The following DHCR24 variants were observed in gnomAD, a reference collection of about 807,000 sequenced individuals.
The protein encoded by DHCR24 is 24-dehydrocholesterol reductase.
DHCR24 carries 28 observed loss-of-function variants against 61.2 expected under a neutral mutation model. That is an observed-to-expected ratio of 0.46 (90% CI 0.34 to 0.63). DHCR24 has a LOEUF of 0.63. Ranked by LOEUF, DHCR24 falls within the 20% of genes least tolerant of loss-of-function variation. The pLI, the probability that DHCR24 is intolerant of heterozygous loss-of-function variation, is 0.01. For synonymous variants in DHCR24, 261 were observed against 275.9 expected (o/e 0.95, Z 0.54); for missense variants, 538 against 679.1 (o/e 0.79, Z 2.31).
chr1:54,885,583 A>G (rs1647088470), intron 1 of DHCR24, among the ~76,000 whole-genome samples: 1 of 152,228 alleles, frequency 6.6e-6, no homozygotes, highest in Admixed American at 6.5e-5. Flanking sequence ...GATAGGCACA[A>G]GATCTACCAG....
At position 54,852,151 on chromosome 1, in the gene DHCR24, G is replaced by T; in HGVS notation, c.*82C>A. On this transcript the variant is annotated 3_prime_UTR_variant, in exon 9 of 9. Transcript: ENST00000371269. ...GGAGGGGTTTCTCTTTGAAAGTGTG[G>T]ATCTAGGAAAGCAGCCAAGCTTGAG... 1.9e-6 allele frequency: 3 copies of T among 1,565,122 alleles called. No individual in the cohort carries two copies. The highest frequency in any genetic ancestry group is 2.6e-6 in the Non-Finnish European group (3 of 1,143,230).
intron 1 of DHCR24, among the ~76,000 whole-genome samples, chr1:54,885,149 A>G (rs565416541): frequency 6.6e-6 from 1 of 152,318 alleles, no homozygotes; most frequent in East Asian, 1.9e-4. Context: ...ACAGCTCAAC[A>G]CGGGGAAGGA....
chr1:54,853,328 G>T, intron 8 of DHCR24, 106 bp downstream of exon 8: 1 of 1,449,020 alleles, frequency 6.9e-7, no homozygotes, highest in Non-Finnish European at 9.5e-7. Context: ...GGAACCAGTT[G>T]ATAGGCTTGG....
intron 1 of DHCR24, 178 bp downstream of exon 1, chr1:54,886,711 T>G: frequency 4.2e-6 from 6 of 1,432,332 alleles, no homozygotes; most frequent in Admixed American, 4.2e-5. Context: ...GCCTGTTCTG[T>G]TCCCCCGCCC....
chr1:54,866,815 A>C (rs1282357120), intron 5 of DHCR24, among the ~76,000 whole-genome samples: 1 of 151,872 alleles, frequency 6.6e-6, no homozygotes, highest in Non-Finnish European at 1.5e-5. Flanking sequence ...ACTGGGGCTA[A>C]AGAGCCTCTT....
chr1:54,884,191 T>G (rs1647080145), intron 1 of DHCR24, among the ~76,000 whole-genome samples: 1 of 152,210 alleles, frequency 6.6e-6, no homozygotes, highest in African/African-American at 2.4e-5. Flanking sequence ...ATGACACCCT[T>G]TTTTCGAGGA....
chr1:54,874,560 T>A (rs956072113), intron 4 of DHCR24, among the ~76,000 whole-genome samples: 1 of 152,244 alleles, frequency 6.6e-6, no homozygotes, highest in Non-Finnish European at 1.5e-5. Context: ...TTATGATGTT[T>A]GCACAATGAC....
chr1:54,885,814 T>A (rs1647090883), intron 1 of DHCR24, among the ~76,000 whole-genome samples: 1 of 151,996 alleles, frequency 6.6e-6, no homozygotes, highest in African/African-American at 2.4e-5. Flanking sequence ...AGCAGGTAAA[T>A]GGAGAATTTG....
Position 54,871,529 on chromosome 1 carries a change from G to T in DHCR24, c.697C>A (p.Pro233Thr). The T allele has an allele frequency of 6.2e-7, 1 of 1,614,206 alleles. No individual in the cohort carries two copies. Among genetic ancestry groups the T allele is most frequent in the Non-Finnish European group, 8.5e-7 (1 of 1,180,040 alleles). The change falls in exon 5 of 9, where the codon CCT becomes ACT. Residue 233 changes from proline to threonine, a missense_variant. Transcript: ENST00000371269. ...CGCAGCTTGACGTACTTCTTGGCAG[G>T]GATGATGCGGATCTCAGCGGCCACC... ...FLVAAEIRII[P>T]AKKYVKLRFE...
intron 2 of DHCR24, among the ~76,000 whole-genome samples, chr1:54,882,371 A>C (rs1323239703): frequency 6.6e-6 from 1 of 152,252 alleles, no homozygotes; most frequent in Non-Finnish European, 1.5e-5. Flanking sequence ...GTGGAACAAG[A>C]ACAACACTCA....
intron 6 of DHCR24, among the ~76,000 whole-genome samples, chr1:54,862,950 C>A (rs1453223597): frequency 1.3e-5 from 2 of 152,004 alleles, no homozygotes; most frequent in African/African-American, 2.4e-5. Flanking sequence ...GTGGTGGGCG[C>A]CTATAGTCCC....
At chr1:54,856,458 G>A (rs1268290258) in intron 6 of DHCR24, among the ~76,000 whole-genome samples, 3 of 152,104 alleles carry the variant, frequency 2.0e-5, no homozygotes, top group African/African-American at 4.8e-5. Flanking sequence ...AAAATTAGCC[G>A]GGCGTGGTGG....
rs370545306 is a variant in DHCR24, at chr1:54,872,851, C to G, written c.613-1238G>C. Among the ~76,000 whole-genome samples, 16 of 152,288 alleles carry G rather than the reference C, an allele frequency of 1.1e-4. No homozygotes were observed. The South Asian group carries it at 3.1e-3, about 30-fold the overall frequency. On this transcript the variant is annotated intron_variant, in intron 4 of 8. Transcript: ENST00000371269. Reference sequence around the variant, plus strand: ...TTGATGTGAATCTTGCTAGGGGTATCTCTCATCCAAGACCAGTGCTGCCAA... The same window carrying G: ...TTGATGTGAATCTTGCTAGGGGTATGTCTCATCCAAGACCAGTGCTGCCAA...
chr1:54,872,560 C>G (rs1411038948), intron 4 of DHCR24, among the ~76,000 whole-genome samples: 1 of 152,114 alleles, frequency 6.6e-6, no homozygotes, highest in Non-Finnish European at 1.5e-5. Context: ...AACAGCAGCA[C>G]TACGCTCACC....
chr1:54,858,049 G>C (rs148172629), intron 6 of DHCR24, among the ~76,000 whole-genome samples: 7 of 152,308 alleles, frequency 4.6e-5, no homozygotes, highest in South Asian at 2.1e-4. Context: ...CCCAGCAGAG[G>C]GGGGGAAAAG....
intron 4 of DHCR24, among the ~76,000 whole-genome samples, chr1:54,873,933 A>G (rs188012211): frequency 1.3e-5 from 2 of 152,306 alleles, no homozygotes; most frequent in East Asian, 3.9e-4. Flanking sequence ...TACAGGAGTG[A>G]GCCACTGCAC....
intron 8 of DHCR24, among the ~76,000 whole-genome samples, chr1:54,853,154 G>A (rs1010986831): frequency 6.6e-6 from 1 of 150,854 alleles, no homozygotes; most frequent in African/African-American, 2.5e-5. Flanking sequence ...GAGGAGTGGG[G>A]TGACTCCCAG....
intron 2 of DHCR24, among the ~76,000 whole-genome samples, chr1:54,877,015 G>C (rs913531209): frequency 2.6e-5 from 4 of 151,836 alleles, no homozygotes; most frequent in Non-Finnish European, 4.4e-5. Context: ...GTCACAGGTA[G>C]ATAAGAGACA....
At chr1:54,857,893 G>A (rs1646916177) in intron 6 of DHCR24, among the ~76,000 whole-genome samples, 1 of 152,200 alleles carries the variant, frequency 6.6e-6, no homozygotes, top group Non-Finnish European at 1.5e-5. Flanking sequence ...GCCTGGCACA[G>A]GTGTGACCAG....
Sources: allele counts gnomAD v4.1 joint callset (sites outside exome capture counted in the v4.1 genomes callset), GRCh38; gene constraint gnomAD v4.1.1; transcripts MANE v1.5; gene names NCBI Gene and HGNC (gene_info 2026-07-23, HGNC 2026-07-21).